Variants in THRB observed in about 807,000 individuals in gnomAD.
THRB encodes nuclear receptor subfamily 1 group A member 2.
A neutral mutation model predicts 47.8 loss-of-function variants in THRB; 12 were observed. The observed-to-expected ratio is 0.25, with a 90% confidence interval of 0.16 to 0.41. The LOEUF (loss-of-function observed/expected upper bound fraction) is 0.41. Among genes scored for constraint, THRB ranks in the 10% least tolerant of loss-of-function variants. THRB has a pLI of 1.00. For synonymous variants in THRB, 218 were observed against 212.2 expected, an observed-to-expected ratio of 1.03 and a Z score of -0.24; for missense variants, 348 against 589.2, an observed-to-expected ratio of 0.59 and a Z score of 4.24.
intron 5 of THRB, among the ~76,000 whole-genome samples, chr3:24,185,916 G>A (rs2042512547): frequency 6.6e-6 from 1 of 152,210 alleles, no homozygotes; most frequent in Admixed American, 6.5e-5. Flanking sequence ...GGGGTTCTCA[G>A]AAGGGCTCAA....
chr3:24,400,120 G>C (rs1266528497), intron 1 of THRB, among the ~76,000 whole-genome samples: 1 of 152,080 alleles, frequency 6.6e-6, no homozygotes, highest in East Asian at 1.9e-4. Flanking sequence ...AATGACCATA[G>C]GCCAAGGTGG....
intron 5 of THRB, among the ~76,000 whole-genome samples, chr3:24,174,539 A>G (rs989313434): frequency 6.6e-6 from 1 of 152,162 alleles, no homozygotes; most frequent in African/African-American, 2.4e-5. Context: ...CCCCTCCCAC[A>G]ACCCCAATCC....
intron 5 of THRB, among the ~76,000 whole-genome samples, chr3:24,168,490 A>ATATATATATATAT (rs1559499553): frequency 1.2e-4 from 16 of 137,976 alleles, no homozygotes; most frequent in Middle Eastern, 3.8e-3. Flanking sequence ...TTCAATCAAT[A>ATATATATATATAT]ATATATATAT....
intron 3 of THRB, among the ~76,000 whole-genome samples, chr3:24,270,845 G>C (rs1025657865): frequency 6.6e-6 from 1 of 152,126 alleles, no homozygotes; most frequent in African/African-American, 2.4e-5. Context: ...AACATTTCTT[G>C]TTAATTAAAA....
At chr3:24,296,571 C>T (rs1200706758) in intron 3 of THRB, among the ~76,000 whole-genome samples, 1 of 152,180 alleles carries the variant, frequency 6.6e-6, no homozygotes, top group African/African-American at 2.4e-5. Context: ...AGAGCCTGAC[C>T]AGAAGATAAA....
intron 1 of THRB, among the ~76,000 whole-genome samples, chr3:24,389,006 T>C (rs1218875732): frequency 6.6e-6 from 1 of 152,166 alleles, no homozygotes. Flanking sequence ...ATCTCTACTT[T>C]GTGATAACTG....
chr3:24,370,016 T>C (rs1560038478), intron 1 of THRB, among the ~76,000 whole-genome samples: 1 of 152,110 alleles, frequency 6.6e-6, no homozygotes, highest in Non-Finnish European at 1.5e-5. Context: ...TATTAAAAGA[T>C]AAGTATTAAA....
At chr3:24,490,488 T>C (rs1048828415) in intron 1 of THRB, among the ~76,000 whole-genome samples, 6 of 152,204 alleles carry the variant, frequency 3.9e-5, no homozygotes, top group East Asian at 1.9e-4. Context: ...CCTGTGCCCA[T>C]GTACCAAGCT....
At chr3:24,168,263 T>C (rs1373114964) in intron 5 of THRB, among the ~76,000 whole-genome samples, 1 of 152,134 alleles carries the variant, frequency 6.6e-6, no homozygotes, top group Non-Finnish European at 1.5e-5. Context: ...ATCTGTCACC[T>C]GTGATTCAGT....
At chr3:24,149,579 A>G (rs185833658) in intron 6 of THRB, among the ~76,000 whole-genome samples, 89 of 152,348 alleles carry the variant, frequency 5.8e-4, no homozygotes, top group African/African-American at 1.9e-3. Flanking sequence ...ACTATACACT[A>G]TGCCATCTTT....
chr3:24,328,454 A>G (rs2061723835), intron 2 of THRB, among the ~76,000 whole-genome samples: 3 of 152,050 alleles, frequency 2.0e-5, no homozygotes. Context: ...TCCAAACCCA[A>G]ACTCACCTTC....
intron 4 of THRB, among the ~76,000 whole-genome samples, chr3:24,209,920 G>A (rs1397858025): frequency 6.6e-6 from 1 of 152,128 alleles, no homozygotes; most frequent in Non-Finnish European, 1.5e-5. Context: ...TGACCAAATA[G>A]TAACCAAAAT....
intron 1 of THRB, among the ~76,000 whole-genome samples, chr3:24,377,558 G>C (rs1446366643): frequency 6.6e-6 from 1 of 152,124 alleles, no homozygotes; most frequent in Admixed American, 6.6e-5. Context: ...CTGTCAAAAG[G>C]ATTTTGCAAA....
intron 1 of THRB, among the ~76,000 whole-genome samples, chr3:24,471,982 A>T (rs1306529546): frequency 6.6e-6 from 1 of 152,130 alleles, no homozygotes; most frequent in Non-Finnish European, 1.5e-5. Flanking sequence ...AGACCCTCAA[A>T]ACCTTCAGAC....
At chr3:24,232,696 C>T (rs1457103155) in intron 3 of THRB, among the ~76,000 whole-genome samples, 8 of 151,906 alleles carry the variant, frequency 5.3e-5, no homozygotes, top group Admixed American at 5.2e-4. Flanking sequence ...TACAGCAGCT[C>T]GTGGGTGGAA....
intron 1 of THRB, among the ~76,000 whole-genome samples, chr3:24,398,093 T>C (rs1443471103): frequency 7.9e-5 from 12 of 152,130 alleles, no homozygotes; most frequent in Admixed American, 7.9e-4. Flanking sequence ...TGATGTTGAA[T>C]AGACAGACTG....
At chr3:24,260,161 G>A (rs1039705669) in intron 3 of THRB, among the ~76,000 whole-genome samples, 13 of 152,164 alleles carry the variant, frequency 8.5e-5, no homozygotes, top group Admixed American at 7.2e-4. Flanking sequence ...TGTCTGACAA[G>A]CTCTTATCTA....
chr3:24,373,495 T>C (rs2065060350), intron 1 of THRB, among the ~76,000 whole-genome samples: 1 of 152,018 alleles, frequency 6.6e-6, no homozygotes, highest in Non-Finnish European at 1.5e-5. Context: ...CCTGAACAAG[T>C]TCACAAAGGT....
chr3:24,328,690 C>T (rs1482564465), intron 2 of THRB, among the ~76,000 whole-genome samples: 1 of 152,178 alleles, frequency 6.6e-6, no homozygotes, highest in Non-Finnish European at 1.5e-5. Flanking sequence ...CTAGCGCAGC[C>T]CTCACCATTT....
Sources: gnomAD v4.1 joint callset for allele counts (sites outside exome capture counted in the v4.1 genomes callset) on GRCh38, gnomAD v4.1.1 for gene constraint, MANE v1.5 for transcripts, NCBI Gene and HGNC (gene_info 2026-07-23, HGNC 2026-07-21) for gene names.